C1orf116: variants seen among roughly 807,000 people sequenced by gnomAD.
The protein encoded by C1orf116 is chromosome 1 open reading frame 116.
Under a neutral mutation model 14.1 loss-of-function variants are expected in C1orf116, and 12 were observed. The observed-to-expected ratio is 0.85, with a 90% confidence interval of 0.54 to 1.38. The LOEUF is 1.38. C1orf116 is among the 40% of genes most tolerant of loss of function. The probability of loss-of-function intolerance (pLI) is 0.00; values close to 1 mark genes in which losing one functional copy is unlikely to be tolerated. For missense variants in C1orf116, 797 were observed against 747.0 expected (o/e 1.07, Z -0.78); for synonymous variants, 296 against 299.0 (o/e 0.99, Z 0.10).
intron 3 of C1orf116, among the ~76,000 whole-genome samples, chr1:207,024,283 A>T (rs1681984457): frequency 6.6e-6 from 1 of 152,198 alleles, no homozygotes; most frequent in Non-Finnish European, 1.5e-5. Context: ...AACAACACAA[A>T]ACTGCAGCCC....
chr1:207,021,731 C>A lies in C1orf116; in HGVS notation c.*227G>T. The A allele has an allele frequency of 2.4e-6, 1 of 415,980 alleles. No homozygotes were observed. Among genetic ancestry groups the A allele is most frequent in the Non-Finnish European group, 4.2e-6 (1 of 237,630 alleles). 25.8% of individuals were successfully genotyped at this position (415,980 alleles called of 1,614,324 possible). A position where few individuals can be genotyped will look rare whatever the true frequency, so the allele number is the denominator to read the frequency against. On this transcript the variant is annotated 3_prime_UTR_variant, in exon 4 of 4. Coordinates refer to ENST00000359470, the MANE Select transcript of C1orf116 (RefSeq NM_023938.6). ...AGTGATGTATCCAGCGGCCCCCCCT[C>A]CACACACACACCAAACACACACACA... is the stretch of plus-strand genomic sequence containing the variant.
Position 207,022,611 on chromosome 1 carries a change from A to G in C1orf116, c.1153T>C (p.Ser385Pro). The G allele has an allele frequency of 6.2e-7, 1 of 1,614,084 alleles. No individual in the cohort carries two copies. The highest frequency in any genetic ancestry group is 8.5e-7 in the Non-Finnish European group (1 of 1,180,002). The change falls in exon 4 of 4, where the codon TCC becomes CCC. Residue 385 changes from serine to proline, a missense_variant. Ser to Pro is a moderately conservative substitution (Grantham distance 74). Coordinates refer to ENST00000359470, the MANE Select transcript of C1orf116 (RefSeq NM_023938.6). ...GGCTGAGCCAGACCTGGAGCTGGGG[A>G]CAGATGCTGGGCCCGTGTCTCCTTG... is the stretch of plus-strand genomic sequence containing the variant. Reference protein sequence around the residue: ...RPKETRAQHLSPAPGLAQPAA... With the variant: ...RPKETRAQHLPPAPGLAQPAA...
intron 2 of C1orf116, among the ~76,000 whole-genome samples, chr1:207,025,299 T>A (rs1270743094): frequency 6.6e-6 from 1 of 152,016 alleles, no homozygotes; most frequent in African/African-American, 2.4e-5. Flanking sequence ...GAGGGCAGAG[T>A]CTGTCAGGAG....
rs1232254608 is a variant in C1orf116, at chr1:207,018,694, G to T, written c.*3264C>A. The T allele has an allele frequency of 3.3e-5, 5 of 152,306 alleles. No homozygotes were observed. In the South Asian group the frequency reaches 1.0e-3, roughly 32 times the overall value. The allele number at this position is 152,306 out of a possible 1,614,324, so 9.4% of individuals were successfully genotyped here. On this transcript the variant is annotated 3_prime_UTR_variant, in exon 4 of 4. Coordinates refer to ENST00000359470, the MANE Select transcript of C1orf116 (RefSeq NM_023938.6). ...GTGATATCGCCAGGGTTCCTGACTG[G>T]TAAGTGATGGAGGCTGAATTTGAGC...
In C1orf116 at chr1:207,022,388, T is replaced by A; in HGVS notation, c.1376A>T (p.Lys459Met). 1 of 1,614,148 alleles carries A rather than the reference T, an allele frequency of 6.2e-7. No homozygotes were observed. The highest frequency in any genetic ancestry group is 8.5e-7 in the Non-Finnish European group (1 of 1,180,006). ...CTGGAGAGTCAGCCCTGACTCTGGCTTCGGTGGAGTCAGGGCACTGTTTGC... is the reference window on the plus strand; with the variant it reads ...CTGGAGAGTCAGCCCTGACTCTGGCATCGGTGGAGTCAGGGCACTGTTTGC... ...PRANSALTPP[K>M]PESGLTLQES... Residue 459 changes from lysine (K) to methionine (M), a missense_variant, in exon 4 of 4, where the codon AAG becomes ATG. Physicochemically the swap from Lys to Met is moderately conservative, Grantham distance 95. Transcript: ENST00000359470.
chr1:207,032,180 C>T (rs533371115), intron 1 of C1orf116, among the ~76,000 whole-genome samples: 1 of 152,156 alleles, frequency 6.6e-6, no homozygotes. Context: ...CTGTTACAGT[C>T]GCTATGGAAA....
At chr1:207,028,366 C>T (rs747688928) in intron 1 of C1orf116, among the ~76,000 whole-genome samples, 5 of 152,130 alleles carry the variant, frequency 3.3e-5, no homozygotes, top group African/African-American at 1.2e-4. Flanking sequence ...ATTGTGAGAA[C>T]GTTTAAAACA....
Position 207,032,702 on chromosome 1 carries a change from C to A in C1orf116, c.-205G>T. ...TCTTCTCCTTTTGAGCTCCTCCTGA[C>A]TTACCTAGATAGGTAAATGCTTCAT... is the stretch of plus-strand genomic sequence containing the variant. On this transcript the variant is annotated 5_prime_UTR_variant, in exon 1 of 4. Coordinates refer to ENST00000359470, the MANE Select transcript of C1orf116 (RefSeq NM_023938.6). 1 of 985,426 alleles carries A rather than the reference C, an allele frequency of 1.0e-6. No individual in the cohort carries two copies. Among genetic ancestry groups the A allele is most frequent in the South Asian group, 4.7e-5 (1 of 21,276 alleles). 61.0% of individuals were successfully genotyped at this position (985,426 alleles called of 1,614,324 possible). A position where few individuals can be genotyped will look rare whatever the true frequency, so the allele number is the denominator to read the frequency against.
rs1681948528 is a variant in C1orf116, at chr1:207,023,228, G to T, written c.536C>A (p.Pro179His). 1 of 1,611,276 alleles carries T rather than the reference G, an allele frequency of 6.2e-7. No homozygotes were observed. Among genetic ancestry groups the T allele is most frequent in the African/African-American group, 1.3e-5 (1 of 74,960 alleles). The change falls in exon 4 of 4, where the codon CCC becomes CAC. Residue 179 changes from proline (P) to histidine (H), a missense_variant. Pro to His is a moderately conservative substitution (Grantham distance 77, BLOSUM62 -2). Coordinates refer to ENST00000359470, the MANE Select transcript of C1orf116 (RefSeq NM_023938.6). ...EKEQVSQSSQ[P>H]RQAPASPQEA... ...CTGGGGGCTGGCAGGTGCCTGCCTG[G>T]GTTGGCTGCTCTGGCTGACCTGTTC... is the stretch of plus-strand genomic sequence containing the variant.
intron 2 of C1orf116, among the ~76,000 whole-genome samples, chr1:207,025,489 G>A (rs1026067861): frequency 3.7e-4 from 56 of 152,188 alleles, no homozygotes; most frequent in African/African-American, 1.3e-3. Context: ...CAAATAAGAA[G>A]TGCAACATAA....
intron 3 of C1orf116, 71 bp from the exon 4 acceptor site, chr1:207,023,551 G>A: frequency 1.3e-6 from 2 of 1,502,300 alleles, no homozygotes; most frequent in Non-Finnish European, 1.8e-6. Context: ...CCCTGCTGCA[G>A]AGGGGAAAGC....
rs1462079301 is a variant in C1orf116 at position 207,022,593 on chromosome 1, C to A, written c.1171G>T (p.Ala391Ser). The change falls in exon 4 of 4, where the codon GCT becomes TCT. Residue 391 changes from alanine to serine, a missense_variant. Physicochemically the swap from Ala to Ser is moderately conservative, Grantham distance 99. Coordinates refer to ENST00000359470, the MANE Select transcript of C1orf116 (RefSeq NM_023938.6). ...AQHLSPAPGL[A>S]QPAAPAQASA... ...GCCTGGGCTGGAGCTGCAGGCTGAG[C>A]CAGACCTGGAGCTGGGGACAGATGC... 6.2e-7 allele frequency: 1 copy of A among 1,614,164 alleles called. No individual in the cohort carries two copies. Among genetic ancestry groups the A allele is most frequent in the Non-Finnish European group, 8.5e-7 (1 of 1,180,044 alleles).
chr1:207,030,093 G>A (rs545612703), intron 1 of C1orf116, among the ~76,000 whole-genome samples: 30 of 152,198 alleles, frequency 2.0e-4, no homozygotes, highest in Non-Finnish European at 3.5e-4. Context: ...AAAAGTGGTA[G>A]GAAAAGCACT....
chr1:207,022,940 G>A lies in C1orf116; in HGVS notation c.824C>T (p.Ala275Val). 1.2e-6 allele frequency: 2 copies of A among 1,614,144 alleles called. No homozygotes were observed. Among genetic ancestry groups the A allele is most frequent in the Non-Finnish European group, 1.7e-6 (2 of 1,180,014 alleles). ...PPAGLPQNARAEDAPLSSGED... is the reference protein window; with the variant it reads ...PPAGLPQNARVEDAPLSSGED... ...CCCTGATGAGAGGGGAGCATCTTCA[G>A]CTCTTGCATTCTGAGGCAACCCTGC... The change falls in exon 4 of 4, where the codon GCT becomes GTT. Residue 275 changes from alanine to valine, a missense_variant. Ala to Val is a moderately conservative substitution (Grantham distance 64, BLOSUM62 0). Coordinates refer to ENST00000359470, the MANE Select transcript of C1orf116 (RefSeq NM_023938.6).
Position 207,024,162 on chromosome 1 carries a change from C to T in C1orf116, c.284-682G>A, listed in dbSNP as rs1045267902. Among the ~76,000 whole-genome samples, 6 of 152,224 alleles carry T rather than the reference C, an allele frequency of 3.9e-5. No individual in the cohort carries two copies. The South Asian group carries it at 1.0e-3, about 26-fold the overall frequency. On this transcript the variant is annotated intron_variant, in intron 3 of 3. Coordinates refer to ENST00000359470, the MANE Select transcript of C1orf116 (RefSeq NM_023938.6). Reference sequence around the variant, plus strand: ...CAGTGAGCTAGGCAGGTACATCAGGCCCCCTGGGCCAGTGAATCAGCCTCA... The same window carrying T: ...CAGTGAGCTAGGCAGGTACATCAGGTCCCCTGGGCCAGTGAATCAGCCTCA...
intron 3 of C1orf116, among the ~76,000 whole-genome samples, chr1:207,023,932 G>A (rs1332682453): frequency 6.6e-6 from 1 of 152,238 alleles, no homozygotes; most frequent in Non-Finnish European, 1.5e-5. Context: ...TTCTACAGAG[G>A]CACCAGGGTT....
At position 207,027,547 on chromosome 1, in the gene C1orf116, G is replaced by A. The variant is rs764308228; in HGVS notation, c.52C>T (p.Arg18Cys). Reference sequence around the variant, plus strand: ...ATCATGCTGTCACAGCTGCCGACACGGGTCACGGGTTCTGAGCCAGTCCCC... The same window carrying A: ...ATCATGCTGTCACAGCTGCCGACACAGGTCACGGGTTCTGAGCCAGTCCCC... ...PAGTGSEPVT[R>C]VGSCDSMMSS... The change falls in exon 2 of 4, where the codon CGT (arginine) becomes TGT (cysteine). Residue 18 changes from arginine (R) to cysteine (C), a missense_variant. Transcript: ENST00000359470. 1.5e-5 allele frequency: 24 copies of A among 1,613,640 alleles called. No homozygotes were observed. Among genetic ancestry groups the A allele is most frequent in the Non-Finnish European group, 1.7e-5 (20 of 1,180,040 alleles).
intron 2 of C1orf116, among the ~76,000 whole-genome samples, chr1:207,026,953 A>G (rs1682096815): frequency 6.6e-6 from 1 of 152,218 alleles, no homozygotes; most frequent in Admixed American, 6.5e-5. Context: ...TACTCCCCAC[A>G]AATTGAATTG....
chr1:207,023,935 C>T (rs1452357968), intron 3 of C1orf116, among the ~76,000 whole-genome samples: 1 of 152,194 alleles, frequency 6.6e-6, no homozygotes, highest in Non-Finnish European at 1.5e-5. Context: ...TACAGAGGCA[C>T]CAGGGTTGGA....
Sources: allele counts gnomAD v4.1 joint callset (sites outside exome capture counted in the v4.1 genomes callset), GRCh38; gene constraint gnomAD v4.1.1; transcripts MANE v1.5; gene names NCBI Gene and HGNC (gene_info 2026-07-23, HGNC 2026-07-21).